Variants in ARHGAP23 observed in about 807,000 individuals in gnomAD.
ARHGAP23 encodes rho GTPase-activating protein 23.
Under a neutral mutation model 136.3 loss-of-function variants are expected in ARHGAP23, and 34 were observed. The ratio of observed to expected loss-of-function variants is 0.25; its 90% CI spans 0.19 to 0.33. The LOEUF is 0.33. Among genes scored for constraint, ARHGAP23 ranks in the 10% least tolerant of loss-of-function variants. The probability of loss-of-function intolerance (pLI) is 1.00; values close to 1 mark genes in which losing one functional copy is unlikely to be tolerated. For missense variants in ARHGAP23, 1,808 were observed against 2,139.0 expected (o/e 0.85, Z 3.05); for synonymous variants, 832 against 920.5 (o/e 0.90, Z 1.74).
chr17:38,494,743 T>C (rs554123011), intron 20 of ARHGAP23, among the ~76,000 whole-genome samples: 2 of 152,334 alleles, frequency 1.3e-5, no homozygotes, highest in East Asian at 3.9e-4. Context: ...CATGGAGTTC[T>C]TGAACTGCCT....
chr17:38,466,672 C>T lies in ARHGAP23; in HGVS notation c.989C>T (p.Pro330Leu). The T allele has an allele frequency of 1.3e-6, 2 of 1,516,264 alleles. No homozygotes were observed. The highest frequency in any genetic ancestry group is 8.8e-7 in the Non-Finnish European group (1 of 1,133,674). 93.9% of individuals were successfully genotyped at this position (1,516,264 alleles called of 1,614,324 possible). A position where few individuals can be genotyped will look rare whatever the true frequency, so the allele number is the denominator to read the frequency against. ...LEEVAAPRPW[P>L]CSTSQDALSQ... ...GAGGTGGCTGCCCCCCGCCCGTGGC[C>T]CTGCTCCACCTCCCAGGATGCTTTG... Residue 330 changes from proline (P) to leucine (L), a missense_variant, in exon 7 of 24, where the codon CCC (proline) becomes CTC (leucine). Transcript: ENST00000622683.
chr17:38,444,299 C>T (rs1292825788), intron 1 of ARHGAP23, among the ~76,000 whole-genome samples: 3 of 151,978 alleles, frequency 2.0e-5, no homozygotes, highest in Non-Finnish European at 2.9e-5. Flanking sequence ...CTGCTGGCCA[C>T]GGGACCTGCC....
At chr17:38,448,392 C>G (rs2039080514) in intron 1 of ARHGAP23, among the ~76,000 whole-genome samples, 1 of 152,162 alleles carries the variant, frequency 6.6e-6, no homozygotes, top group African/African-American at 2.4e-5. Context: ...TATTAAATCC[C>G]TACTATGTGC....
intron 1 of ARHGAP23, among the ~76,000 whole-genome samples, chr17:38,423,307 T>C (rs1358365918): frequency 8.6e-5 from 13 of 152,022 alleles, no homozygotes; most frequent in Admixed American, 6.6e-4. Flanking sequence ...ATTCTCCTGC[T>C]TCAGCCTCCC....
intron 11 of ARHGAP23, among the ~76,000 whole-genome samples, chr17:38,475,415 C>T (rs976611961): frequency 8.5e-5 from 13 of 152,232 alleles, no homozygotes; most frequent in Admixed American, 6.5e-5. Flanking sequence ...CTCACTGTCA[C>T]ATTAAAATTC....
At chr17:38,429,328 C>G (rs913554489) in intron 1 of ARHGAP23, among the ~76,000 whole-genome samples, 1 of 152,250 alleles carries the variant, frequency 6.6e-6, no homozygotes, top group Non-Finnish European at 1.5e-5. Flanking sequence ...CCATCAGGGC[C>G]ATTCCCTTAC....
intron 20 of ARHGAP23, among the ~76,000 whole-genome samples, chr17:38,494,825 G>T (rs539716482): frequency 2.6e-5 from 4 of 152,302 alleles, no homozygotes; most frequent in African/African-American, 9.6e-5. Flanking sequence ...AGAACAGCAC[G>T]TGCAGAAACA....
chr17:38,435,390 A>G (rs768853614), intron 1 of ARHGAP23, among the ~76,000 whole-genome samples: 79 of 152,284 alleles, frequency 5.2e-4, no homozygotes, highest in Non-Finnish European at 9.6e-4. Context: ...TGATTCCATG[A>G]AAAGAGGGAG....
intron 2 of ARHGAP23, among the ~76,000 whole-genome samples, chr17:38,458,893 A>G (rs1287129354): frequency 6.6e-6 from 1 of 152,160 alleles, no homozygotes; most frequent in Non-Finnish European, 1.5e-5. Context: ...ACCTGAGGAC[A>G]TTTATCAACT....
chr17:38,485,249 A>C (rs550840292), intron 16 of ARHGAP23, among the ~76,000 whole-genome samples: 4 of 152,278 alleles, frequency 2.6e-5, no homozygotes, highest in Admixed American at 2.6e-4. Context: ...GGCACCTCCC[A>C]GTTGGGAAAA....
chr17:38,479,804 G>T lies in ARHGAP23; in HGVS notation c.2550G>T (p.Leu850=). Residue 850 remains leucine, a synonymous_variant, in exon 14 of 24, where the codon CTG becomes CTT. Transcript: ENST00000622683. ...ADSSPKGSRG[L]GGLKSEFLKQ... ...CCTCCCCCAAAGGCTCTCGCGGCCT[G>T]GGGGGCCTCAAGTCTGAGTTCCTCA... The T allele has an allele frequency of 6.6e-7, 1 of 1,524,642 alleles. No homozygotes were observed. 94.4% of individuals were successfully genotyped at this position (1,524,642 alleles called of 1,614,324 possible).
In ARHGAP23 at chr17:38,458,276, C is replaced by T. The variant is rs1382995472; in HGVS notation, c.225+13C>T. 18 of 1,500,968 alleles carry T rather than the reference C, an allele frequency of 1.2e-5. No individual in the cohort carries two copies. The highest frequency in any genetic ancestry group is 7.4e-5 in the East Asian group (3 of 40,310). The allele number at this position is 1,500,968 out of a possible 1,614,324, so 93.0% of individuals were successfully genotyped here. The stretch of plus-strand genomic sequence containing the variant: ...CTGCAGCCTGAAGGTATGCCCGGCT[C>T]GCCGCTGCCCTGGTCTGGGGAAGCT... On this transcript the variant is annotated intron_variant, in intron 2 of 23. Coordinates refer to ENST00000622683, the MANE Select transcript of ARHGAP23 (RefSeq NM_001199417.2).
intron 6 of ARHGAP23, among the ~76,000 whole-genome samples, chr17:38,463,932 G>T (rs1240630488): frequency 6.6e-6 from 1 of 151,826 alleles, no homozygotes; most frequent in Non-Finnish European, 1.5e-5. Flanking sequence ...AACCACACAA[G>T]CACCCACTGC....
chr17:38,456,058 T>C (rs1239220039), intron 1 of ARHGAP23, among the ~76,000 whole-genome samples: 1 of 152,206 alleles, frequency 6.6e-6, no homozygotes, highest in Non-Finnish European at 1.5e-5. Flanking sequence ...CCAGACCGTA[T>C]AGGAGTAGAA....
chr17:38,449,988 C>A (rs34640203), intron 1 of ARHGAP23, among the ~76,000 whole-genome samples: 14 of 152,104 alleles, frequency 9.2e-5, no homozygotes, highest in Admixed American at 8.5e-4. Context: ...CCAGTGCCTA[C>A]TTGCTTCTAC....
rs1192804466 is a variant in ARHGAP23 at position 38,467,164 on chromosome 17, A to G, written c.1481A>G (p.Lys494Arg). ...DRGDEVVLRQ[K>R]PPTGRKVQLT... ...GGCGATGAGGTGGTCCTGAGGCAGA[A>G]GCCCCCGACGGGCCGCAAGGTTCAG... The change falls in exon 7 of 24, where the codon AAG becomes AGG. Residue 494 changes from lysine (K) to arginine (R), a missense_variant. This residue lies in a region of ARHGAP23 where 859 missense variants were observed against 936.4 expected (regional missense o/e 0.92). Transcript: ENST00000622683. The G allele has an allele frequency of 1.3e-6, 2 of 1,549,692 alleles. No individual in the cohort carries two copies. The highest frequency in any genetic ancestry group is 1.7e-6 in the Non-Finnish European group (2 of 1,146,408).
intron 1 of ARHGAP23, among the ~76,000 whole-genome samples, chr17:38,435,820 C>CA (rs2038784609): frequency 6.6e-6 from 1 of 152,168 alleles, no homozygotes; most frequent in South Asian, 2.1e-4. Flanking sequence ...AGGCTGGTCT[C>CA]AAACTCCTGA....
At chr17:38,473,244 G>A (rs907851226) in intron 11 of ARHGAP23, among the ~76,000 whole-genome samples, 18 of 151,650 alleles carry the variant, frequency 1.2e-4, no homozygotes, top group Non-Finnish European at 2.4e-4. Flanking sequence ...GTGAGCCACC[G>A]TGCCCAGCCC....
At chr17:38,438,104 C>G (rs937360344) in intron 1 of ARHGAP23, among the ~76,000 whole-genome samples, 1 of 152,058 alleles carries the variant, frequency 6.6e-6, no homozygotes, top group Non-Finnish European at 1.5e-5. Context: ...GGGCAAATCA[C>G]GAGGGCAAGA....
Sources: allele counts gnomAD v4.1 joint callset (sites outside exome capture counted in the v4.1 genomes callset), GRCh38; gene constraint gnomAD v4.1.1; regional missense constraint gnomAD v4.1.1; transcripts MANE v1.5; gene names NCBI Gene and HGNC (gene_info 2026-07-23, HGNC 2026-07-21).